The following ARFGEF1 variants were observed in gnomAD, a reference collection of about 807,000 sequenced individuals.
ARFGEF1 encodes brefeldin A-inhibited guanine nucleotide-exchange protein 1.
ARFGEF1 carries 42 observed loss-of-function variants against 231.0 expected under a neutral mutation model. The observed-to-expected ratio is 0.18, with a 90% CI of 0.14 to 0.24. The LOEUF (loss-of-function observed/expected upper bound fraction) is 0.24, where lower values mean the gene tolerates loss of function less well. Among genes scored for constraint, ARFGEF1 ranks in the 10% least tolerant of loss-of-function variants. ARFGEF1 has a pLI of 1.00. For synonymous variants in ARFGEF1, 710 were observed against 732.3 expected (o/e 0.97, Z 0.49); for missense variants, 1,345 against 2,192.0 (o/e 0.61, Z 7.72).
chr8:67,191,691 C>T (rs1337548843), intron 5 of ARFGEF1, among the ~76,000 whole-genome samples: 1 of 152,110 alleles, frequency 6.6e-6, no homozygotes, highest in African/African-American at 2.4e-5. Context: ...GGGTTGTTTT[C>T]ACTTTTTAGC....
chr8:67,202,214 A>C (rs1838355513), intron 36 of ARFGEF1, among the ~76,000 whole-genome samples: 1 of 152,040 alleles, frequency 6.6e-6, no homozygotes, highest in Non-Finnish European at 1.5e-5. Flanking sequence ...GCAGCCCCTC[A>C]TCCTCCCAGC....
chr8:67,280,568 G>C (rs1053040015), intron 7 of ARFGEF1, among the ~76,000 whole-genome samples: 8 of 152,200 alleles, frequency 5.3e-5, no homozygotes, highest in Admixed American at 3.3e-4. Context: ...AAATCAACAA[G>C]TGTGAAGATC....
chr8:67,205,171 T>C (rs560687240), intron 34 of ARFGEF1, among the ~76,000 whole-genome samples: 5 of 152,286 alleles, frequency 3.3e-5, no homozygotes, highest in African/African-American at 4.8e-5. Context: ...CTATTTTTCA[T>C]AGTAGAAAGA....
chr8:67,316,522 G>A (rs1807324928), intron 1 of ARFGEF1, among the ~76,000 whole-genome samples: 2 of 151,464 alleles, frequency 1.3e-5, no homozygotes, highest in South Asian at 2.1e-4. Context: ...GTGCAGTGGC[G>A]CAATCACAGC....
intron 1 of ARFGEF1, among the ~76,000 whole-genome samples, chr8:67,336,394 G>A (rs962000855): frequency 1.3e-5 from 2 of 152,194 alleles, no homozygotes; most frequent in Admixed American, 6.5e-5. Flanking sequence ...GGATAAAAGG[G>A]AACTTGCATT....
intron 22 of ARFGEF1, among the ~76,000 whole-genome samples, chr8:67,235,616 G>C (rs1839703361): frequency 6.6e-6 from 1 of 152,046 alleles, no homozygotes; most frequent in African/African-American, 2.4e-5. Context: ...ATCACCTGAA[G>C]CCCGGAGTTT....
At chr8:67,194,284 CTTTAGTCTGTTAATCTACAT>C (rs1837257688), downstream of ARFGEF1, among the ~76,000 whole-genome samples, 1 of 152,162 alleles carries the variant, frequency 6.6e-6, no homozygotes, top group Non-Finnish European at 1.5e-5. Context: ...GGGAAATACT[CTTTAGTCTGTTAATCTACAT>C]TACAATAATC....
rs369624248 is a variant in ARFGEF1, at chr8:67,263,702, C to T, written c.2123+2304G>A. 1.4e-3 allele frequency among the ~76,000 whole-genome samples: 206 copies of T among 152,246 alleles called. 2 individuals carry two copies. The highest frequency in any genetic ancestry group is 4.8e-3 in the African/African-American group (199 of 41,556). On this transcript the variant is annotated intron_variant, in intron 14 of 38. Coordinates refer to ENST00000262215, the MANE Select transcript of ARFGEF1 (RefSeq NM_006421.5). ...CACTTAACATTCATAAAATGAAACA[C>T]TTTTCACTAAGCTAAACATAATCCC...
At chr8:67,283,577 C>T (rs541546550) in intron 7 of ARFGEF1, among the ~76,000 whole-genome samples, 38 of 151,726 alleles carry the variant, frequency 2.5e-4, no homozygotes, top group African/African-American at 8.2e-4. Context: ...AAGACTTGGG[C>T]GAATGATAAA....
intron 1 of ARFGEF1, among the ~76,000 whole-genome samples, chr8:67,304,783 C>T (rs1483892409): frequency 2.6e-5 from 4 of 152,184 alleles, no homozygotes; most frequent in Non-Finnish European, 4.4e-5. Flanking sequence ...TGCGCCACTG[C>T]GCTCCAGCCT....
chr8:67,319,218 G>C (rs1206768545), intron 1 of ARFGEF1, among the ~76,000 whole-genome samples: 1 of 152,106 alleles, frequency 6.6e-6, no homozygotes, highest in Non-Finnish European at 1.5e-5. Flanking sequence ...CACATAAACA[G>C]ATTCTAACAT....
At chr8:67,214,283 G>A (rs1482324534) in intron 33 of ARFGEF1, among the ~76,000 whole-genome samples, 1 of 152,202 alleles carries the variant, frequency 6.6e-6, no homozygotes. Context: ...ACTGATAGGT[G>A]ATCCTTGTTG....
intron 1 of ARFGEF1, among the ~76,000 whole-genome samples, chr8:67,315,271 T>C (rs1587298600): frequency 1.3e-5 from 2 of 152,094 alleles, no homozygotes; most frequent in East Asian, 1.9e-4. Flanking sequence ...TTGAAATGGA[T>C]AGAACTAAAA....
At chr8:67,338,200 T>C (rs1470910237) in intron 1 of ARFGEF1, among the ~76,000 whole-genome samples, 2 of 152,162 alleles carry the variant, frequency 1.3e-5, no homozygotes, top group Non-Finnish European at 2.9e-5. Flanking sequence ...TTTCGGACTT[T>C]CTTCTCCTTC....
At chr8:67,318,709 G>T (rs1807442262) in intron 1 of ARFGEF1, among the ~76,000 whole-genome samples, 1 of 152,130 alleles carries the variant, frequency 6.6e-6, no homozygotes, top group Admixed American at 6.5e-5. Flanking sequence ...AGGTGCAATG[G>T]TTCACCTGTA....
chr8:67,305,927 T>C lies in ARFGEF1; in HGVS notation c.125-3461A>G, dbSNP rs62513141. Among the ~76,000 whole-genome samples, 561 of 152,316 alleles carry C rather than the reference T, an allele frequency of 3.7e-3. 2 individuals are homozygous for C. The highest frequency in any genetic ancestry group is 6.1e-3 in the Non-Finnish European group (415 of 68,018). ...TCTTAACTAAGTACTTATCATATAC[T>C]ATGGCCGTAATTTTCAGTTTGAAGT... On this transcript the variant is annotated intron_variant, in intron 1 of 38. Coordinates refer to ENST00000262215, the MANE Select transcript of ARFGEF1 (RefSeq NM_006421.5).
intron 10 of ARFGEF1, among the ~76,000 whole-genome samples, chr8:67,271,025 C>CAAAAAAAAAAAAAAAAAAAAAAAAAAAA (rs36063944): frequency 2.8e-5 from 1 of 36,112 alleles, no homozygotes; most frequent in Non-Finnish European, 5.1e-5. Context: ...ACTCCATCTC[C>CAAAAAAAAAAAAAAAAAAAAAAAAAAAA]AAAAAAAAAA....
chr8:67,200,127 C>T (rs1304721683), intron 38 of ARFGEF1: 2 of 440,572 alleles, frequency 4.5e-6, no homozygotes, highest in Admixed American at 5.9e-5. Context: ...ATAATGGGAA[C>T]TTGTCAAGGT....
chr8:67,327,369 G>A (rs1375049191), intron 1 of ARFGEF1, among the ~76,000 whole-genome samples: 1 of 149,894 alleles, frequency 6.7e-6, no homozygotes, highest in East Asian at 2.0e-4. Flanking sequence ...CCAGGCTGGA[G>A]TGCAATGGTG....
Sources: allele counts gnomAD v4.1 joint callset (sites outside exome capture counted in the v4.1 genomes callset), GRCh38; gene constraint gnomAD v4.1.1; transcripts MANE v1.5; gene names NCBI Gene and HGNC (gene_info 2026-07-23, HGNC 2026-07-21).